MKLN1: variants seen among roughly 807,000 people sequenced by gnomAD.
The protein encoded by MKLN1 is muskelin 1, also known as muskelin.
In MKLN1, 18 loss-of-function variants were observed where a neutral mutation model predicts 99.0. The observed-to-expected ratio is 0.18, with a 90% confidence interval of 0.13 to 0.27. MKLN1 has a LOEUF of 0.27. MKLN1 is among the 10% of genes least tolerant of loss of function. MKLN1 has a pLI of 1.00. For synonymous variants in MKLN1, 288 were observed against 293.2 expected (o/e 0.98, Z 0.18); for missense variants, 621 against 875.9 (o/e 0.71, Z 3.67).
chr7:131,364,162 G>A (rs1398922935), intron 1 of MKLN1, among the ~76,000 whole-genome samples: 3 of 151,950 alleles, frequency 2.0e-5, no homozygotes, highest in African/African-American at 7.2e-5. Flanking sequence ...TTTAAGAGTT[G>A]ATCCTTACTG....
chr7:131,410,672 A>G (rs1012430372), intron 6 of MKLN1, among the ~76,000 whole-genome samples: 9 of 152,186 alleles, frequency 5.9e-5, no homozygotes, highest in African/African-American at 2.2e-4. Flanking sequence ...CAATGAATCC[A>G]TGTCATTATA....
chr7:131,389,028 A>G, intron 4 of MKLN1, 56 bp downstream of exon 4: 1 of 1,187,976 alleles, frequency 8.4e-7, no homozygotes, highest in Middle Eastern at 1.9e-4. Context: ...CAGTCAGCAA[A>G]CTATAGCCCA....
intron 2 of MKLN1, among the ~76,000 whole-genome samples, chr7:131,381,645 G>A (rs1793849720): frequency 6.6e-6 from 1 of 151,974 alleles, no homozygotes; most frequent in Non-Finnish European, 1.5e-5. Context: ...CACCACCACT[G>A]CCATCATTTT....
chr7:131,409,459 C>T (rs1314743987), intron 6 of MKLN1, among the ~76,000 whole-genome samples: 1 of 151,978 alleles, frequency 6.6e-6, no homozygotes, highest in African/African-American at 2.4e-5. Flanking sequence ...TGACTTTTTG[C>T]AAGAATTTTG....
chr7:131,443,395 A>C (rs1795900759), intron 10 of MKLN1, 86 bp from the exon 11 acceptor site: 4 of 958,742 alleles, frequency 4.2e-6, no homozygotes, highest in Non-Finnish European at 6.7e-6. Flanking sequence ...TTTTTTGAGA[A>C]TGTAAAACTG....
intron 14 of MKLN1, among the ~76,000 whole-genome samples, chr7:131,464,963 A>G (rs1482529122): frequency 6.6e-6 from 1 of 152,144 alleles, no homozygotes; most frequent in Non-Finnish European, 1.5e-5. Flanking sequence ...CTTAGATTAC[A>G]TAGTAAATTA....
chr7:131,227,940 C>A (rs1323940776), intron 3 of MKLN1, among the ~76,000 whole-genome samples: 1 of 152,220 alleles, frequency 6.6e-6, no homozygotes, highest in Non-Finnish European at 1.5e-5. Context: ...CTCTTCCCTT[C>A]CAGCGCGGGA....
At chr7:131,137,586 G>A (rs1389842164) in intron 1 of MKLN1, among the ~76,000 whole-genome samples, 1 of 151,986 alleles carries the variant, frequency 6.6e-6, no homozygotes, top group Non-Finnish European at 1.5e-5. Context: ...TTTTGTTTTT[G>A]TTTTTTGAGA....
intron 6 of MKLN1, among the ~76,000 whole-genome samples, chr7:131,403,649 T>C (rs1206407430): frequency 1.3e-5 from 2 of 152,178 alleles, no homozygotes; most frequent in Admixed American, 6.6e-5. Flanking sequence ...GGTAAAGATA[T>C]TAAATGGCCT....
chr7:131,158,425 C>G (rs1795999620), intron 2 of MKLN1, among the ~76,000 whole-genome samples: 2 of 151,922 alleles, frequency 1.3e-5, no homozygotes, highest in Non-Finnish European at 2.9e-5. Context: ...CAGAGTGAAA[C>G]TCCATCTCAA....
intron 3 of MKLN1, among the ~76,000 whole-genome samples, chr7:131,232,237 T>C (rs1426451245): frequency 3.3e-5 from 5 of 152,200 alleles, no homozygotes; most frequent in Non-Finnish European, 7.4e-5. Flanking sequence ...ATAATAAAGA[T>C]ACTCTAATAG....
At chr7:131,466,219 A>G in intron 14 of MKLN1, 57 bp from the exon 15 acceptor site, 1 of 1,350,572 alleles carries the variant, frequency 7.4e-7, no homozygotes, top group Non-Finnish European at 1.0e-6. Flanking sequence ...CACTGCTACT[A>G]GAATATCTTG....
intron 3 of MKLN1, among the ~76,000 whole-genome samples, chr7:131,238,504 A>G (rs1797357349): frequency 6.6e-6 from 1 of 152,198 alleles, no homozygotes. Flanking sequence ...ATTTGCAGAG[A>G]CAGGATGACC....
chr7:131,247,413 A>G (rs756222482), intron 3 of MKLN1, among the ~76,000 whole-genome samples: 2 of 151,674 alleles, frequency 1.3e-5, no homozygotes, highest in Admixed American at 6.6e-5. Flanking sequence ...ATGGGGTTTC[A>G]CCATGTTGGT....
At chr7:131,317,814 A>G (rs1798699613) in intron 3 of MKLN1, among the ~76,000 whole-genome samples, 1 of 151,962 alleles carries the variant, frequency 6.6e-6, no homozygotes, top group Non-Finnish European at 1.5e-5. Flanking sequence ...AGTCTCTGAT[A>G]AAACAAACTT....
intron 17 of MKLN1, among the ~76,000 whole-genome samples, chr7:131,481,004 C>A (rs1797108221): frequency 6.6e-6 from 1 of 152,158 alleles, no homozygotes; most frequent in Admixed American, 6.5e-5. Flanking sequence ...CTATTCACTG[C>A]CAACTAATAT....
At chr7:131,390,385 A>C (rs1794163477) in intron 4 of MKLN1, among the ~76,000 whole-genome samples, 1 of 152,124 alleles carries the variant, frequency 6.6e-6, no homozygotes, top group African/African-American at 2.4e-5. Flanking sequence ...TCAGTTCCTA[A>C]AGACCTTTGC....
At chr7:131,362,969 A>G (rs989685947) in intron 1 of MKLN1, among the ~76,000 whole-genome samples, 3 of 152,066 alleles carry the variant, frequency 2.0e-5, no homozygotes, top group Non-Finnish European at 4.4e-5. Context: ...ATAAAAATAT[A>G]AACTATTTTC....
intron 3 of MKLN1, among the ~76,000 whole-genome samples, chr7:131,226,903 A>G (rs962144075): frequency 6.6e-6 from 1 of 152,086 alleles, no homozygotes; most frequent in African/African-American, 2.4e-5. Flanking sequence ...TCTGCTTTGT[A>G]TACCTTGTGT....
Sources: allele counts gnomAD v4.1 joint callset (sites outside exome capture counted in the v4.1 genomes callset), GRCh38; gene constraint gnomAD v4.1.1; transcripts MANE v1.5; gene names NCBI Gene and HGNC (gene_info 2026-07-23, HGNC 2026-07-21).